EBF2: variants seen among roughly 807,000 people sequenced by gnomAD.
EBF2 encodes transcription factor COE2.
EBF2 carries 21 observed loss-of-function variants against 72.8 expected under a neutral mutation model. That is an observed-to-expected ratio of 0.29 (90% CI 0.20 to 0.42). The LOEUF is 0.42. EBF2 is among the 10% of genes least tolerant of loss of function. The pLI is 1.00. For missense variants in EBF2, 637 were observed against 731.2 expected, an observed-to-expected ratio of 0.87 and a Z score of 1.49; for synonymous variants, 299 against 274.2, an observed-to-expected ratio of 1.09 and a Z score of -0.89.
intron 2 of EBF2, chr8:26,041,479 T>C (rs1156922928): frequency 2.2e-5 from 4 of 179,260 alleles, no homozygotes; most frequent in African/African-American, 7.1e-5. Flanking sequence ...GGAGGGACTT[T>C]GGGAAGTGCC....
intron 6 of EBF2, among the ~76,000 whole-genome samples, chr8:26,013,970 C>A (rs563223140): frequency 6.6e-6 from 1 of 152,218 alleles, no homozygotes; most frequent in South Asian, 2.1e-4. Context: ...CTGGGCCCAC[C>A]AAAACCCAAG....
At chr8:25,978,084 G>T (rs1378778635) in intron 6 of EBF2, among the ~76,000 whole-genome samples, 3 of 152,162 alleles carry the variant, frequency 2.0e-5, no homozygotes, top group Admixed American at 2.0e-4. Flanking sequence ...GAGGCCATCA[G>T]TAGCTCCTGT....
intron 7 of EBF2, among the ~76,000 whole-genome samples, chr8:25,904,957 C>A (rs958086773): frequency 9.9e-5 from 15 of 152,042 alleles, no homozygotes; most frequent in Non-Finnish European, 1.2e-4. Context: ...TGAGAAGGAG[C>A]CAGTATCCTG....
intron 6 of EBF2, among the ~76,000 whole-genome samples, chr8:26,003,301 C>G (rs1252669882): frequency 1.3e-5 from 2 of 152,190 alleles, no homozygotes; most frequent in African/African-American, 4.8e-5. Context: ...CCCCTGAGAG[C>G]TGCTGCTTCT....
chr8:25,897,545 T>A (rs140712314), intron 7 of EBF2, among the ~76,000 whole-genome samples: 112 of 152,252 alleles, frequency 7.4e-4, no homozygotes, highest in African/African-American at 2.7e-3. Context: ...ATCCCTAGTG[T>A]CTATTACCCC....
intron 6 of EBF2, among the ~76,000 whole-genome samples, chr8:25,965,098 C>T (rs1044247234): frequency 2.6e-5 from 4 of 152,246 alleles, no homozygotes; most frequent in African/African-American, 9.6e-5. Flanking sequence ...TATATATACA[C>T]ATATATATTT....
chr8:26,009,794 A>G (rs547134231), intron 6 of EBF2, among the ~76,000 whole-genome samples: 1 of 152,376 alleles, frequency 6.6e-6, no homozygotes, highest in East Asian at 1.9e-4. Context: ...CACCCCAGTT[A>G]GAAATTCAGT....
intron 6 of EBF2, among the ~76,000 whole-genome samples, chr8:25,974,860 T>C (rs188554729): frequency 1.0e-3 from 152 of 152,306 alleles, no homozygotes; most frequent in Middle Eastern, 3.4e-3. Flanking sequence ...CTCAGCACTT[T>C]GAGGGCCATC....
Position 25,858,318 on chromosome 8 carries a change from C to T in EBF2, c.1528+1G>A. ...AGCCAAGTGATGGAGAGGTCACTTA[C>T]TTCCATAAGGAGAGCCGGTGGGTGA... is the stretch of plus-strand genomic sequence containing the variant. On this transcript the variant is annotated splice_donor_variant, in intron 14 of 15. Transcript: ENST00000520164. LOFTEE classifies it high-confidence loss of function. 1 of 1,614,106 alleles carries T rather than the reference C, an allele frequency of 6.2e-7. No individual in the cohort carries two copies. Among genetic ancestry groups the T allele is most frequent in the Non-Finnish European group, 8.5e-7 (1 of 1,179,960 alleles).
rs185972127 is a variant in EBF2, at chr8:25,860,311, C to T, written c.1342+738G>A. ...TTACCAAATAAAACCAAGCCATTCA[C>T]TCTTGGCTACCAGGAAGAGAAATTT... On this transcript the variant is annotated intron_variant, in intron 13 of 15. Coordinates refer to ENST00000520164, the MANE Select transcript of EBF2 (RefSeq NM_022659.4). 1.2e-4 allele frequency among the ~76,000 whole-genome samples: 18 copies of T among 152,238 alleles called. No individual in the cohort carries two copies. In the East Asian group the frequency reaches 3.5e-3, roughly 29 times the overall value.
At chr8:25,886,257 T>A (rs1481756316) in intron 10 of EBF2, among the ~76,000 whole-genome samples, 1 of 152,200 alleles carries the variant, frequency 6.6e-6, no homozygotes, top group Non-Finnish European at 1.5e-5. Flanking sequence ...GGGGAAGGGA[T>A]CATGTCTTAC....
chr8:26,038,470 G>C (rs1356985505), intron 5 of EBF2, among the ~76,000 whole-genome samples: 1 of 152,166 alleles, frequency 6.6e-6, no homozygotes, highest in African/African-American at 2.4e-5. Flanking sequence ...GGGCATGCAA[G>C]TATTATTTTA....
At chr8:26,030,950 C>T (rs1805391935) in intron 6 of EBF2, among the ~76,000 whole-genome samples, 1 of 152,132 alleles carries the variant, frequency 6.6e-6, no homozygotes, top group Admixed American at 6.5e-5. Flanking sequence ...ATGTGTGTTA[C>T]ATAGGAAGAA....
At chr8:25,951,776 A>G (rs1585206086) in intron 6 of EBF2, among the ~76,000 whole-genome samples, 2 of 152,318 alleles carry the variant, frequency 1.3e-5, no homozygotes, top group South Asian at 4.1e-4. Flanking sequence ...CATTCCCCCT[A>G]TTTTATAGAC....
At chr8:25,873,027 T>C (rs1310480715) in intron 10 of EBF2, among the ~76,000 whole-genome samples, 1 of 152,254 alleles carries the variant, frequency 6.6e-6, no homozygotes, top group Non-Finnish European at 1.5e-5. Flanking sequence ...TTGGGTTCCC[T>C]TCTCTCTCCC....
At chr8:26,002,039 A>G (rs968324539) in intron 6 of EBF2, among the ~76,000 whole-genome samples, 1 of 152,206 alleles carries the variant, frequency 6.6e-6, no homozygotes, top group African/African-American at 2.4e-5. Context: ...CTGAGGCACA[A>G]TAGCCAGAAA....
At chr8:25,928,037 T>G (rs1425432250) in intron 6 of EBF2, among the ~76,000 whole-genome samples, 1 of 152,116 alleles carries the variant, frequency 6.6e-6, no homozygotes, top group African/African-American at 2.4e-5. Context: ...GCTTGTCTCC[T>G]CTCCTATCCT....
At chr8:25,906,588 A>C (rs1803036135) in intron 7 of EBF2, among the ~76,000 whole-genome samples, 1 of 152,054 alleles carries the variant, frequency 6.6e-6, no homozygotes, top group Non-Finnish European at 1.5e-5. Context: ...CCAACATGTC[A>C]AAACCTCATC....
intron 6 of EBF2, among the ~76,000 whole-genome samples, chr8:26,002,984 C>T (rs1372282021): frequency 6.6e-6 from 1 of 150,756 alleles, no homozygotes; most frequent in East Asian, 1.9e-4. Context: ...CCCTGGACAG[C>T]TCCCAGACAG....
Sources: allele counts gnomAD v4.1 joint callset (sites outside exome capture counted in the v4.1 genomes callset), GRCh38; gene constraint gnomAD v4.1.1; transcripts MANE v1.5; gene names NCBI Gene and HGNC (gene_info 2026-07-23, HGNC 2026-07-21).